WDR35: variants seen among roughly 807,000 people sequenced by gnomAD.
The protein encoded by WDR35 is WD repeat-containing protein 35.
WDR35 carries 118 observed loss-of-function variants against 158.3 expected under a neutral mutation model. The observed-to-expected ratio is 0.75, with a 90% confidence interval of 0.64 to 0.87. The LOEUF is 0.87. WDR35 is among the 40% of genes least tolerant of loss of function. The pLI, the probability that WDR35 is intolerant of heterozygous loss-of-function variation, is 0.00. For missense variants in WDR35, 1,263 were observed against 1,405.8 expected (o/e 0.90, Z 1.62); for synonymous variants, 448 against 476.1 (o/e 0.94, Z 0.77).
intron 5 of WDR35, among the ~76,000 whole-genome samples, chr2:19,976,995 G>T (rs960753075): frequency 7.4e-5 from 11 of 147,982 alleles, no homozygotes; most frequent in East Asian, 2.0e-4. Flanking sequence ...AATTTGTTTT[G>T]TTTTTTTTTT....
At chr2:19,929,117 C>T (rs1004381063) in intron 25 of WDR35, among the ~76,000 whole-genome samples, 5 of 152,134 alleles carry the variant, frequency 3.3e-5, no homozygotes, top group African/African-American at 1.2e-4. Context: ...GAGGAAGATA[C>T]TATTATCCTT....
intron 8 of WDR35, 135 bp downstream of exon 8, chr2:19,973,428 A>T (rs1391822962): frequency 1.0e-6 from 1 of 955,756 alleles, no homozygotes; most frequent in Non-Finnish European, 1.5e-6. Flanking sequence ...TACAACAAAG[A>T]TTTATACTAT....
rs889433296 is a variant in WDR35 at position 19,913,525 on chromosome 2, A to T, written c.*33T>A. The T allele has an allele frequency of 1.2e-6, 2 of 1,613,572 alleles. No homozygotes were observed. Among genetic ancestry groups the T allele is most frequent in the African/African-American group, 2.7e-5 (2 of 75,058 alleles). On this transcript the variant is annotated 3_prime_UTR_variant, in exon 27 of 27. Transcript: ENST00000281405. ...ATATAGCCATGTATATATGCTACAT[A>T]TATTTTACAGTTATATACAGTTTAT... is the stretch of plus-strand genomic sequence containing the variant.
intron 16 of WDR35, among the ~76,000 whole-genome samples, chr2:19,945,581 G>A (rs1243776503): frequency 6.6e-6 from 1 of 152,066 alleles, no homozygotes; most frequent in Admixed American, 6.6e-5. Flanking sequence ...AGAAAGTAGA[G>A]AATATTTAAT....
intron 1 of WDR35, 90 bp from the exon 2 acceptor site, chr2:19,989,372 C>T (rs1672674599): frequency 8.0e-7 from 1 of 1,245,634 alleles, no homozygotes; most frequent in African/African-American, 1.5e-5. Context: ...GAAAATCTTC[C>T]AAGAAGAAAA....
intron 8 of WDR35, 100 bp downstream of exon 8, chr2:19,973,463 A>T (rs980202047): frequency 1.4e-6 from 2 of 1,462,760 alleles, no homozygotes; most frequent in Non-Finnish European, 1.9e-6. Flanking sequence ...CCTAAAAGAA[A>T]ATGTGATAAG....
chr2:19,987,772 C>G (rs1429583838), intron 2 of WDR35, among the ~76,000 whole-genome samples: 2 of 139,198 alleles, frequency 1.4e-5, no homozygotes, highest in East Asian at 2.1e-4. Flanking sequence ...TGCAATGAGC[C>G]GAGATCCAGC....
chr2:19,974,747 G>A, intron 6 of WDR35, 114 bp from the exon 7 acceptor site: 1 of 1,075,832 alleles, frequency 9.3e-7, no homozygotes, highest in Non-Finnish European at 1.3e-6. Flanking sequence ...TAAAAATCAG[G>A]TGGCAAATTA....
Position 19,913,347 on chromosome 2 carries a change from T to C in WDR35, c.*211A>G, listed in dbSNP as rs978822049. Reference sequence around the variant, plus strand: ...TGAGAGAAAACATGGTTGATTTTCATACATTTATATGAAAATCGGCCTTAT... The same window carrying C: ...TGAGAGAAAACATGGTTGATTTTCACACATTTATATGAAAATCGGCCTTAT... On this transcript the variant is annotated 3_prime_UTR_variant, in exon 27 of 27. Transcript: ENST00000281405. 4 of 497,596 alleles carry C rather than the reference T, an allele frequency of 8.0e-6. No individual in the cohort carries two copies. Among genetic ancestry groups the C allele is most frequent in the African/African-American group, 1.9e-5 (1 of 51,316 alleles). 30.8% of individuals were successfully genotyped at this position (497,596 alleles called of 1,614,324 possible).
intron 25 of WDR35, among the ~76,000 whole-genome samples, chr2:19,915,822 C>T (rs1047251380): frequency 1.3e-5 from 2 of 151,168 alleles, no homozygotes; most frequent in Admixed American, 1.3e-4. Context: ...TGTTCTCACT[C>T]ATATGTGAGA....
At chr2:19,971,396 T>A (rs931208177) in intron 8 of WDR35, among the ~76,000 whole-genome samples, 2 of 152,150 alleles carry the variant, frequency 1.3e-5, no homozygotes, top group Non-Finnish European at 2.9e-5. Flanking sequence ...CAAAGGGGAA[T>A]TAGGTCCCCT....
At position 19,913,210 on chromosome 2, in the gene WDR35, C is replaced by T. The variant is rs1669887020; in HGVS notation, c.*348G>A. On this transcript the variant is annotated 3_prime_UTR_variant, in exon 27 of 27. Transcript: ENST00000281405. ...CCATGCTTCCCCCACTCCCTACTCC[C>T]TTCAAGATTTTTTAATGAATTCAGT... is the stretch of plus-strand genomic sequence containing the variant. 9.6e-6 allele frequency: 2 copies of T among 207,984 alleles called. No individual in the cohort carries two copies. The highest frequency in any genetic ancestry group is 1.6e-4 in the South Asian group (2 of 12,580). 12.9% of individuals were successfully genotyped at this position (207,984 alleles called of 1,614,324 possible).
At chr2:19,941,173 TTC>T (rs1238576143) in intron 17 of WDR35, among the ~76,000 whole-genome samples, 2 of 152,242 alleles carry the variant, frequency 1.3e-5, no homozygotes, top group African/African-American at 4.8e-5. Context: ...AAGGTAAAAC[TTC>T]TCTCAGTATA....
At chr2:19,940,030 TA>T (rs1670820305) in intron 17 of WDR35, among the ~76,000 whole-genome samples, 1 of 151,198 alleles carries the variant, frequency 6.6e-6, no homozygotes, top group Admixed American at 6.6e-5. Flanking sequence ...CTTCTTTCCC[TA>T]AATCTCTTGG....
At chr2:19,951,150 G>C (rs1461364074) in intron 13 of WDR35, among the ~76,000 whole-genome samples, 2 of 152,142 alleles carry the variant, frequency 1.3e-5, no homozygotes, top group East Asian at 1.9e-4. Context: ...GTGAGGAGGA[G>C]AGGAGGAGTT....
At chr2:19,933,584 C>G (rs1670595382) in intron 21 of WDR35, 73 bp from the exon 22 acceptor site, 1 of 1,319,398 alleles carries the variant, frequency 7.6e-7, no homozygotes, top group Non-Finnish European at 1.1e-6. Flanking sequence ...TAACAAAACT[C>G]CGTAGGGACG....
chr2:19,917,868 A>G (rs1670036811), intron 25 of WDR35, among the ~76,000 whole-genome samples: 1 of 152,350 alleles, frequency 6.6e-6, no homozygotes, highest in East Asian at 1.9e-4. Flanking sequence ...GCAGGCCAAC[A>G]TTCAAATTCA....
At chr2:19,924,259 G>C (rs543268833) in intron 25 of WDR35, among the ~76,000 whole-genome samples, 1 of 152,238 alleles carries the variant, frequency 6.6e-6, no homozygotes, top group South Asian at 2.1e-4. Flanking sequence ...TTGGTTACAG[G>C]AGTCTCTTAA....
At chr2:19,975,692 C>G (rs774662969) in intron 5 of WDR35, 29 bp from the exon 6 acceptor site, 2 of 1,613,688 alleles carry the variant, frequency 1.2e-6, no homozygotes, top group South Asian at 1.1e-5. Flanking sequence ...AAAAGTTGTT[C>G]AAGGTCATGA....
Sources: gnomAD v4.1 joint callset for allele counts (sites outside exome capture counted in the v4.1 genomes callset) on GRCh38, gnomAD v4.1.1 for gene constraint, MANE v1.5 for transcripts, NCBI Gene and HGNC (gene_info 2026-07-23, HGNC 2026-07-21) for gene names.